Variants in DGKI observed in about 807,000 individuals in gnomAD.
DGKI encodes the protein diacylglycerol kinase iota, also known as DAG kinase iota.
DGKI carries 55 observed loss-of-function variants against 147.5 expected under a neutral mutation model. That is an observed-to-expected ratio of 0.37 (90% CI 0.30 to 0.47). DGKI has a LOEUF of 0.47. Among genes scored for constraint, DGKI ranks in the 20% least tolerant of loss-of-function variants. The pLI is 1.00. For missense variants in DGKI, 1,007 were observed against 1,323.8 expected (o/e 0.76, Z 3.71); for synonymous variants, 469 against 477.1 (o/e 0.98, Z 0.22).
chr7:137,773,389 A>T (rs1285838115), intron 1 of DGKI, among the ~76,000 whole-genome samples: 1 of 152,136 alleles, frequency 6.6e-6, no homozygotes, highest in Non-Finnish European at 1.5e-5. Context: ...AGAGAAACAC[A>T]TTACTGCCTT....
At chr7:137,598,482 A>G (rs879661192) in intron 11 of DGKI, among the ~76,000 whole-genome samples, 1 of 152,162 alleles carries the variant, frequency 6.6e-6, no homozygotes. Context: ...CAGCTCAGTT[A>G]CACACCACTT....
Position 137,553,499 on chromosome 7 carries a change from T to C in DGKI, c.1948-931A>G, listed in dbSNP as rs143042228. Among the ~76,000 whole-genome samples the C allele has an allele frequency of 5.8e-3, 887 of 152,254 alleles. 7 individuals carry two copies. The highest frequency in any genetic ancestry group is 0.021 in the African/African-American group (866 of 41,528). The stretch of plus-strand genomic sequence containing the variant: ...CACAGAATGGAGTTTCAAGACAATA[T>C]TAAAAGTCTGTCATTAAGGAGCAAC... On this transcript the variant is annotated intron_variant, in intron 19 of 32. Transcript: ENST00000614521.
intron 1 of DGKI, among the ~76,000 whole-genome samples, chr7:137,709,647 C>T (rs1172152385): frequency 6.6e-6 from 1 of 152,134 alleles, no homozygotes; most frequent in African/African-American, 2.4e-5. Context: ...ATCAAATCCT[C>T]TCTGAAGACC....
chr7:137,534,818 T>C (rs1476331873), intron 20 of DGKI, among the ~76,000 whole-genome samples: 1 of 152,158 alleles, frequency 6.6e-6, no homozygotes, highest in Non-Finnish European at 1.5e-5. Context: ...GTTGAAGTTC[T>C]AACCCATAGC....
At chr7:137,710,068 A>G (rs1794168407) in intron 1 of DGKI, among the ~76,000 whole-genome samples, 2 of 152,050 alleles carry the variant, frequency 1.3e-5, no homozygotes, top group African/African-American at 4.8e-5. Context: ...AGAGATTCAA[A>G]AAAAGAACAG....
intron 23 of DGKI, among the ~76,000 whole-genome samples, chr7:137,478,501 T>A (rs1815256292): frequency 6.6e-6 from 1 of 152,186 alleles, no homozygotes; most frequent in Admixed American, 6.5e-5. Flanking sequence ...TACTGAATTT[T>A]CTCTAATTAG....
intron 1 of DGKI, among the ~76,000 whole-genome samples, chr7:137,824,288 G>A (rs1203763845): frequency 2.0e-5 from 3 of 152,130 alleles, no homozygotes; most frequent in South Asian, 2.1e-4. Context: ...AAGCCGAGGC[G>A]GGTGGATAAC....
At chr7:137,590,945 C>G (rs533116377) in intron 12 of DGKI, among the ~76,000 whole-genome samples, 2 of 152,174 alleles carry the variant, frequency 1.3e-5, no homozygotes, top group Admixed American at 6.5e-5. Context: ...GTGATCCGCC[C>G]GCCAAAGTGC....
chr7:137,444,436 G>A lies in DGKI; in HGVS notation c.2736-334C>T, dbSNP rs538007108. The stretch of plus-strand genomic sequence containing the variant: ...AATCCTGTGATGTGTATTGCCCAAG[G>A]ACATGGCTCCAGCCAGGGATATAAA... On this transcript the variant is annotated intron_variant, in intron 27 of 32. Coordinates refer to ENST00000614521, the MANE Select transcript of DGKI (RefSeq NM_001321708.2). Among the ~76,000 whole-genome samples the A allele has an allele frequency of 7.9e-4, 121 of 152,296 alleles. 1 individual carries two copies. The highest frequency in any genetic ancestry group is 2.7e-3 in the African/African-American group (114 of 41,578).
chr7:137,551,448 T>C (rs1818041938), intron 20 of DGKI, among the ~76,000 whole-genome samples: 2 of 152,072 alleles, frequency 1.3e-5, no homozygotes, highest in Non-Finnish European at 2.9e-5. Context: ...TCAGTGCAAA[T>C]AGGTAACCAT....
At chr7:137,445,012 T>G (rs1813660866) in intron 27 of DGKI, among the ~76,000 whole-genome samples, 2 of 152,204 alleles carry the variant, frequency 1.3e-5, no homozygotes, top group Non-Finnish European at 2.9e-5. Flanking sequence ...TCTGAATGAT[T>G]GGCTCACTCA....
chr7:137,412,472 G>A (rs1812199643), intron 28 of DGKI, among the ~76,000 whole-genome samples: 1 of 152,104 alleles, frequency 6.6e-6, no homozygotes, highest in Non-Finnish European at 1.5e-5. Context: ...ACGCAAATTG[G>A]GTTCAAATCT....
At chr7:137,733,978 G>A (rs568073824) in intron 1 of DGKI, among the ~76,000 whole-genome samples, 1 of 152,164 alleles carries the variant, frequency 6.6e-6, no homozygotes, top group East Asian at 1.9e-4. Flanking sequence ...TCTGAAACAA[G>A]TCTCTTCATT....
In DGKI at chr7:137,432,599, T is replaced by C. The variant is rs1035865979; in HGVS notation, c.2761+11478A>G. Among the ~76,000 whole-genome samples, 20 of 152,172 alleles carry C rather than the reference T, an allele frequency of 1.3e-4. 1 individual carries two copies. The stretch of plus-strand genomic sequence containing the variant: ...TATACTCTTATTATTATCATCCTCA[T>C]TTTCAGGATGAAGAAATTGAGGTTT... On this transcript the variant is annotated intron_variant, in intron 28 of 32. Transcript: ENST00000614521.
intron 28 of DGKI, among the ~76,000 whole-genome samples, chr7:137,432,317 G>C (rs931321925): frequency 1.1e-4 from 17 of 152,162 alleles, no homozygotes; most frequent in African/African-American, 4.1e-4. Context: ...TGCAGGAAAT[G>C]TGTATTTCAA....
Position 137,829,317 on chromosome 7 carries a change from C to G in DGKI, c.401+17145G>C, listed in dbSNP as rs552293126. Among the ~76,000 whole-genome samples, 12 of 152,338 alleles carry G rather than the reference C, an allele frequency of 7.9e-5. No individual in the cohort carries two copies. In the South Asian group the frequency reaches 2.5e-3, roughly 32 times the overall value. ...CCCCACATTTCCTGTCTACAGTTCT[C>G]TCTCCTTCCTAGTTACACCCTGAAA... On this transcript the variant is annotated intron_variant, in intron 1 of 32. Transcript: ENST00000614521.
At chr7:137,517,315 G>GAAAGAAAGA (rs1422502679) in intron 21 of DGKI, among the ~76,000 whole-genome samples, 1 of 99,366 alleles carries the variant, frequency 1.0e-5, no homozygotes, top group Non-Finnish European at 1.9e-5. Context: ...AAGAAAGAAA[G>GAAAGAAAGA]AAAGAAAGAA....
chr7:137,644,039 T>C (rs1372382896), intron 6 of DGKI, among the ~76,000 whole-genome samples: 3 of 152,070 alleles, frequency 2.0e-5, no homozygotes, highest in Non-Finnish European at 2.9e-5. Flanking sequence ...TGCACACTTA[T>C]GGGAAAGTTA....
chr7:137,394,829 G>A (rs890281629), intron 32 of DGKI, among the ~76,000 whole-genome samples: 1 of 152,170 alleles, frequency 6.6e-6, no homozygotes, highest in Non-Finnish European at 1.5e-5. Context: ...AACCGATTTT[G>A]TTATGTGGCT....
Sources: allele counts gnomAD v4.1 joint callset (sites outside exome capture counted in the v4.1 genomes callset), GRCh38; gene constraint gnomAD v4.1.1; transcripts MANE v1.5; gene names NCBI Gene and HGNC (gene_info 2026-07-23, HGNC 2026-07-21).